PHF2: variants seen among roughly 807,000 people sequenced by gnomAD.
PHF2 encodes lysine-specific demethylase PHF2.
In PHF2, 27 loss-of-function variants were observed where a neutral mutation model predicts 120.5. The ratio of observed to expected loss-of-function variants is 0.22; its 90% CI spans 0.17 to 0.31. The LOEUF (loss-of-function observed/expected upper bound fraction) is 0.31, where lower values mean the gene tolerates loss of function less well. Ranked by LOEUF, PHF2 falls within the 10% of genes least tolerant of loss-of-function variation. The pLI, the probability that PHF2 is intolerant of heterozygous loss-of-function variation, is 1.00. For synonymous variants in PHF2, 568 were observed against 592.5 expected (o/e 0.96, Z 0.60); for missense variants, 1,024 against 1,434.8 (o/e 0.71, Z 4.63).
chr9:93,669,606 T>C (rs1182770983), intron 17 of PHF2, among the ~76,000 whole-genome samples: 3 of 152,188 alleles, frequency 2.0e-5, no homozygotes. Context: ...GGAGGTGGCA[T>C]TGGTGAGGGC....
At chr9:93,595,707 C>A (rs1294420351) in intron 1 of PHF2, among the ~76,000 whole-genome samples, 1 of 152,248 alleles carries the variant, frequency 6.6e-6, no homozygotes, top group African/African-American at 2.4e-5. Flanking sequence ...TGTGTGTATA[C>A]ATACCTGGTT....
chr9:93,665,150 C>G (rs1826651626), intron 14 of PHF2, among the ~76,000 whole-genome samples: 1 of 152,242 alleles, frequency 6.6e-6, no homozygotes, highest in Non-Finnish European at 1.5e-5. Flanking sequence ...TACATCTATC[C>G]TGTAGCCCTG....
chr9:93,601,930 G>A (rs1825445440), intron 1 of PHF2, among the ~76,000 whole-genome samples: 1 of 151,724 alleles, frequency 6.6e-6, no homozygotes, highest in Non-Finnish European at 1.5e-5. Flanking sequence ...GGATGGGAGT[G>A]CGGGGGTGGT....
intron 1 of PHF2, 65 bp from the exon 2 acceptor site, chr9:93,629,905 G>C: frequency 6.7e-7 from 1 of 1,494,308 alleles, no homozygotes; most frequent in Non-Finnish European, 9.3e-7. Flanking sequence ...CTAGAGCTTC[G>C]CAGATGGAAA....
chr9:93,667,604 G>A (rs974768882), intron 17 of PHF2, among the ~76,000 whole-genome samples: 13 of 152,174 alleles, frequency 8.5e-5, no homozygotes, highest in African/African-American at 3.1e-4. Context: ...GTGCCCCTGG[G>A]CCCATGTCGG....
intron 1 of PHF2, among the ~76,000 whole-genome samples, chr9:93,588,245 G>A (rs546677264): frequency 4.9e-4 from 75 of 152,318 alleles, no homozygotes; most frequent in Admixed American, 1.2e-3. Flanking sequence ...GTCACTTCCT[G>A]TCGCAGGTGT....
At chr9:93,622,435 A>T (rs1825840742) in intron 1 of PHF2, among the ~76,000 whole-genome samples, 1 of 152,126 alleles carries the variant, frequency 6.6e-6, no homozygotes, top group South Asian at 2.1e-4. Flanking sequence ...CCAGCTGTGG[A>T]TGGGGAGACT....
intron 17 of PHF2, among the ~76,000 whole-genome samples, chr9:93,670,204 C>T (rs1826756822): frequency 6.6e-6 from 1 of 152,204 alleles, no homozygotes; most frequent in Non-Finnish European, 1.5e-5. Flanking sequence ...CGGCAGGCAC[C>T]CCGTGTGCCC....
chr9:93,617,207 CCA>C, intron 1 of PHF2, among the ~76,000 whole-genome samples: 2 of 152,250 alleles, frequency 1.3e-5, no homozygotes, highest in South Asian at 4.1e-4. Context: ...AACCCCTAGC[CCA>C]CTCAAGTCCT....
At position 93,660,233 on chromosome 9, in the gene PHF2, C is replaced by T. The variant is rs1166845258; in HGVS notation, c.1371C>T (p.Ala457=). The change falls in exon 12 of 22, where the codon GCC becomes GCT. Residue 457 remains alanine (A), a synonymous_variant. Transcript: ENST00000359246. The part of the protein sequence containing the change: ...KAVRPEVNTV[A]SSDEVCDGDR... ...TCCGACCGGAAGTGAATACTGTCGC[C>T]TCGTCAGATGAGGTGTGTGACGGGG... The T allele has an allele frequency of 2.5e-6, 4 of 1,594,526 alleles. No homozygotes were observed. The highest frequency in any genetic ancestry group is 1.8e-5 in the Admixed American group (1 of 55,002).
At chr9:93,615,616 A>AT (rs200172714) in intron 1 of PHF2, among the ~76,000 whole-genome samples, 6,804 of 152,212 alleles carry the variant, frequency 0.045, 526 homozygotes, top group African/African-American at 0.16. Flanking sequence ...GGTGGCAATC[A>AT]TTGCCCAGGG....
At position 93,591,541 on chromosome 9, in the gene PHF2, G is replaced by A. The variant is rs559707369; in HGVS notation, c.98+14670G>A. ...ACTGAAGCTGCACAGTGAGTTAGGG[G>A]CAGGGTGGGGACCAGAGTCCCTGCT... On this transcript the variant is annotated intron_variant, in intron 1 of 21. Coordinates refer to ENST00000359246, the MANE Select transcript of PHF2 (RefSeq NM_005392.4). Among the ~76,000 whole-genome samples the A allele has an allele frequency of 2.0e-5, 3 of 152,302 alleles. No individual in the cohort carries two copies. In the South Asian group the frequency reaches 6.2e-4, roughly 32 times the overall value.
intron 1 of PHF2, among the ~76,000 whole-genome samples, chr9:93,615,122 CGAT>C (rs764245185): frequency 4.0e-4 from 44 of 111,210 alleles, no homozygotes; most frequent in Non-Finnish European, 6.4e-4. Context: ...ATGGTGATGG[CGAT>C]GATGATGGTG....
At chr9:93,578,787 C>CA (rs982631110) in intron 1 of PHF2, among the ~76,000 whole-genome samples, 1 of 152,020 alleles carries the variant, frequency 6.6e-6, no homozygotes, top group Non-Finnish European at 1.5e-5. Context: ...TTGGCCCATG[C>CA]AAAAAATCCC....
At chr9:93,653,447 T>C (rs1221084435) in intron 6 of PHF2, 82 bp downstream of exon 6, 66 of 1,454,716 alleles carry the variant, frequency 4.5e-5, no homozygotes, top group Non-Finnish European at 5.9e-5. Context: ...CCACAAGCCC[T>C]GATTGGCCAG....
intron 3 of PHF2, among the ~76,000 whole-genome samples, chr9:93,636,929 C>T (rs945216260): frequency 1.3e-5 from 2 of 152,192 alleles, no homozygotes; most frequent in Non-Finnish European, 2.9e-5. Flanking sequence ...TTCTCAGAGA[C>T]CCCCAGTGCC....
At chr9:93,580,126 A>G (rs1364117627) in intron 1 of PHF2, among the ~76,000 whole-genome samples, 1 of 152,078 alleles carries the variant, frequency 6.6e-6, no homozygotes, top group African/African-American at 2.4e-5. Context: ...CCCTTCACCA[A>G]GTTCTCGCAA....
intron 3 of PHF2, among the ~76,000 whole-genome samples, chr9:93,644,430 G>A (rs1177430194): frequency 6.6e-6 from 1 of 151,928 alleles, no homozygotes; most frequent in Admixed American, 6.6e-5. Context: ...AGTGCTGCTG[G>A]TGTGCAAAGA....
At chr9:93,673,144 C>T (rs1826841107) in intron 17 of PHF2, among the ~76,000 whole-genome samples, 1 of 151,850 alleles carries the variant, frequency 6.6e-6, no homozygotes, top group African/African-American at 2.4e-5. Context: ...GTAAGGAATG[C>T]CCAGGGCTAG....
Sources: gnomAD v4.1 joint callset for allele counts (sites outside exome capture counted in the v4.1 genomes callset) on GRCh38, gnomAD v4.1.1 for gene constraint, MANE v1.5 for transcripts, NCBI Gene and HGNC (gene_info 2026-07-23, HGNC 2026-07-21) for gene names.